The following PLPPR1 variants were observed in gnomAD, a reference collection of about 807,000 sequenced individuals.
The protein encoded by PLPPR1 is phospholipid phosphatase-related protein type 1.
PLPPR1 carries 10 observed loss-of-function variants against 33.1 expected under a neutral mutation model. The observed-to-expected ratio is 0.30, with a 90% CI of 0.19 to 0.51. The LOEUF is 0.51. PLPPR1 is among the 20% of genes least tolerant of loss of function. The pLI is 0.97. For synonymous variants in PLPPR1, 151 were observed against 151.0 expected, an observed-to-expected ratio of 1.00 and a Z score of 0.00; for missense variants, 304 against 408.1, an observed-to-expected ratio of 0.74 and a Z score of 2.20.
rs1053694982 is a variant in PLPPR1 at position 101,215,556 on chromosome 9, A to C, written c.63+29999A>C. ...AGTGCAGGGATTACAGGTGTGAGCC[A>C]CCGCGCCCAGCTGGCCTCATTCATT... On this transcript the variant is annotated intron_variant, in intron 2 of 7. Coordinates refer to ENST00000374874, the MANE Select transcript of PLPPR1 (RefSeq NM_207299.2). Among the ~76,000 whole-genome samples, 19 of 152,184 alleles carry C rather than the reference A, an allele frequency of 1.2e-4. 1 individual carries two copies. The highest frequency in any genetic ancestry group is 2.9e-5 in the Non-Finnish European group (2 of 68,028).
intron 2 of PLPPR1, among the ~76,000 whole-genome samples, chr9:101,259,439 G>T (rs182572879): frequency 3.9e-5 from 6 of 152,234 alleles, no homozygotes; most frequent in African/African-American, 1.4e-4. Context: ...ATAGCAAATT[G>T]TAATAGACTA....
intron 1 of PLPPR1, among the ~76,000 whole-genome samples, chr9:101,080,634 G>A (rs962179190): frequency 1.3e-5 from 2 of 152,024 alleles, no homozygotes; most frequent in South Asian, 2.1e-4. Context: ...TTTCTCTTTG[G>A]CTGGTTACAA....
chr9:101,253,972 T>C (rs1306330576), intron 2 of PLPPR1, among the ~76,000 whole-genome samples: 1 of 152,110 alleles, frequency 6.6e-6, no homozygotes, highest in Non-Finnish European at 1.5e-5. Context: ...TTTCACTTAA[T>C]GGTTTTAAGC....
At chr9:101,204,526 G>A (rs1826553598) in intron 2 of PLPPR1, among the ~76,000 whole-genome samples, 1 of 152,092 alleles carries the variant, frequency 6.6e-6, no homozygotes, top group East Asian at 1.9e-4. Context: ...CCATATTGAT[G>A]AGCATTCTGC....
intron 3 of PLPPR1, among the ~76,000 whole-genome samples, chr9:101,276,131 T>A (rs939508626): frequency 6.6e-6 from 1 of 152,180 alleles, no homozygotes; most frequent in Non-Finnish European, 1.5e-5. Flanking sequence ...AATCTGCCTT[T>A]TCCAGGCTCT....
At chr9:101,144,183 G>C (rs535228607) in intron 1 of PLPPR1, among the ~76,000 whole-genome samples, 13 of 151,914 alleles carry the variant, frequency 8.6e-5, no homozygotes, top group African/African-American at 3.1e-4. Flanking sequence ...ACCAAACACC[G>C]CATGTTCTCA....
At chr9:101,133,125 T>C (rs1487833018) in intron 1 of PLPPR1, among the ~76,000 whole-genome samples, 1 of 152,312 alleles carries the variant, frequency 6.6e-6, no homozygotes, top group South Asian at 2.1e-4. Flanking sequence ...TTTCTTTCTT[T>C]TTCCATATAT....
intron 1 of PLPPR1, among the ~76,000 whole-genome samples, chr9:101,081,948 G>A (rs903901780): frequency 6.6e-6 from 1 of 152,214 alleles, no homozygotes; most frequent in African/African-American, 2.4e-5. Context: ...TCTTTTCTTT[G>A]TCTGGATTAG....
At chr9:101,240,224 A>G (rs1827434359) in intron 2 of PLPPR1, among the ~76,000 whole-genome samples, 1 of 151,682 alleles carries the variant, frequency 6.6e-6, no homozygotes, top group Admixed American at 6.6e-5. Context: ...GGATTTATTT[A>G]TGGGTTCTCT....
At chr9:101,223,128 C>T (rs181337057) in intron 2 of PLPPR1, among the ~76,000 whole-genome samples, 1 of 73,348 alleles carries the variant, frequency 1.4e-5, no homozygotes, top group Non-Finnish European at 2.5e-5. Context: ...ACCTGGGCAA[C>T]AAAGTGAGAC....
chr9:101,041,238 T>C (rs1588003659), intron 1 of PLPPR1, among the ~76,000 whole-genome samples: 1 of 152,192 alleles, frequency 6.6e-6, no homozygotes, highest in East Asian at 1.9e-4. Context: ...AGCTTTCTTC[T>C]TGATGGAGCT....
At chr9:101,078,006 T>C (rs778727178) in intron 1 of PLPPR1, among the ~76,000 whole-genome samples, 4 of 149,120 alleles carry the variant, frequency 2.7e-5, no homozygotes, top group East Asian at 2.0e-4. Context: ...TAATGGCCGA[T>C]AGGTGAAAAG....
At chr9:101,083,749 C>G (rs772807634) in intron 1 of PLPPR1, among the ~76,000 whole-genome samples, 5 of 152,108 alleles carry the variant, frequency 3.3e-5, no homozygotes. Flanking sequence ...GCATTGAATA[C>G]GAAGATTTAT....
At chr9:101,039,349 G>A (rs1830048751) in intron 1 of PLPPR1, among the ~76,000 whole-genome samples, 1 of 152,162 alleles carries the variant, frequency 6.6e-6, no homozygotes, top group South Asian at 2.1e-4. Flanking sequence ...CCACAGTGAT[G>A]TTTTTATGAG....
At chr9:101,168,350 A>G (rs2118685013) in intron 1 of PLPPR1, among the ~76,000 whole-genome samples, 1 of 152,192 alleles carries the variant, frequency 6.6e-6, no homozygotes, top group South Asian at 2.1e-4. Context: ...AAACTTGCCT[A>G]ACCCTAATTT....
chr9:101,111,188 A>G (rs532246272), intron 1 of PLPPR1, among the ~76,000 whole-genome samples: 197 of 152,234 alleles, frequency 1.3e-3, no homozygotes, highest in Non-Finnish European at 2.0e-3. Context: ...TTTTAAATCT[A>G]TGTTTCCTAA....
chr9:101,190,757 G>C (rs1826283530), intron 2 of PLPPR1, among the ~76,000 whole-genome samples: 1 of 152,014 alleles, frequency 6.6e-6, no homozygotes, highest in South Asian at 2.1e-4. Context: ...CATTGCCCCT[G>C]GTAATCCTTG....
intron 3 of PLPPR1, 59 bp downstream of exon 3, chr9:101,270,127 T>C (rs1450456343): frequency 1.9e-6 from 3 of 1,555,294 alleles, no homozygotes; most frequent in Non-Finnish European, 2.7e-6. Flanking sequence ...ATTTTCTGTC[T>C]GCTTTTTCTC....
At chr9:101,211,308 G>T (rs1355781423) in intron 2 of PLPPR1, among the ~76,000 whole-genome samples, 1 of 152,064 alleles carries the variant, frequency 6.6e-6, no homozygotes, top group African/African-American at 2.4e-5. Context: ...CATCAAACAA[G>T]GCTATTCTAT....
Sources: allele counts gnomAD v4.1 joint callset (sites outside exome capture counted in the v4.1 genomes callset), GRCh38; gene constraint gnomAD v4.1.1; transcripts MANE v1.5; gene names NCBI Gene and HGNC (gene_info 2026-07-23, HGNC 2026-07-21).